PCDH11Y: variants seen among roughly 807,000 people sequenced by gnomAD.
PCDH11Y encodes the protein protocadherin-11 Y-linked.
For synonymous variants in PCDH11Y, 9 were observed against 83.6 expected, an observed-to-expected ratio of 0.11 and a Z score of 4.87; for missense variants, 12 against 224.8, an observed-to-expected ratio of 0.05 and a Z score of 6.05.
At chrY:5,343,505 A>G (rs1602908342) in intron 2 of PCDH11Y, among the ~76,000 whole-genome samples, 116 of 33,187 alleles carry the variant, frequency 3.5e-3, no homozygotes, top group African/African-American at 0.012. Context: ...CGCCCTCCTC[A>G]GCCTCCCAAA....
At chrY:5,424,002 G>A in intron 2 of PCDH11Y, among the ~76,000 whole-genome samples, 2 of 33,432 alleles carry the variant, frequency 6.0e-5, no homozygotes, top group Admixed American at 2.7e-4. Context: ...ACTCAGACCT[G>A]TAACTTCTAC....
intron 1 of PCDH11Y, among the ~76,000 whole-genome samples, chrY:5,072,956 T>G (rs2571874): frequency 2.2e-3 from 75 of 33,615 alleles, no homozygotes; most frequent in African/African-American, 8.0e-3. Context: ...ATATTTTGAT[T>G]CAGTCATACA....
intron 2 of PCDH11Y, among the ~76,000 whole-genome samples, chrY:5,316,448 T>C (rs2053107365): frequency 3.0e-5 from 1 of 32,848 alleles, no homozygotes; most frequent in South Asian, 6.9e-4. Flanking sequence ...TGCCTGGCTC[T>C]TAGTTGATTA....
At chrY:5,625,648 A>G in intron 4 of PCDH11Y, among the ~76,000 whole-genome samples, 3 of 27,764 alleles carry the variant, frequency 1.1e-4, no homozygotes, top group Non-Finnish European at 1.7e-4. Flanking sequence ...ATGTTTAATT[A>G]TATCAAGAGC....
intron 2 of PCDH11Y, among the ~76,000 whole-genome samples, chrY:5,311,850 C>T (rs2053101240): frequency 3.4e-5 from 1 of 29,321 alleles, no homozygotes; most frequent in Non-Finnish European, 8.1e-5. Context: ...GGCACCACCA[C>T]GCCTGGCTAA....
At chrY:5,553,499 C>T in intron 3 of PCDH11Y, among the ~76,000 whole-genome samples, 1 of 31,184 alleles carries the variant, frequency 3.2e-5, no homozygotes, top group Non-Finnish European at 7.7e-5. Context: ...TTCATGAGTG[C>T]CCAATGTTTA....
intron 2 of PCDH11Y, among the ~76,000 whole-genome samples, chrY:5,311,474 GATAT>G (rs752106921): frequency 2.1e-4 from 3 of 14,278 alleles, no homozygotes; most frequent in African/African-American, 8.0e-4. Context: ...AAAGAGAAAA[GATAT>G]ATATATATAT....
At chrY:5,327,530 G>C (rs2053123661) in intron 2 of PCDH11Y, among the ~76,000 whole-genome samples, 1 of 33,271 alleles carries the variant, frequency 3.0e-5, no homozygotes, top group Admixed American at 2.7e-4. Context: ...CTGTGGGATG[G>C]GATATTGCCG....
intron 2 of PCDH11Y, among the ~76,000 whole-genome samples, chrY:5,124,143 AATGTTTTCAGCTACTGTTGAGACAC>A (rs2052822319): frequency 3.0e-5 from 1 of 33,451 alleles, no homozygotes; most frequent in Non-Finnish European, 7.4e-5. Context: ...TTTTTGGAGC[AATGTTTTCAGCTACTGTTGAGACAC>A]ATTTAAGAAG....
chrY:5,306,787 G>T, intron 2 of PCDH11Y, among the ~76,000 whole-genome samples: 1 of 30,265 alleles, frequency 3.3e-5, no homozygotes, highest in Non-Finnish European at 8.0e-5. Context: ...ACTAAATAAA[G>T]GTTTTAGTTT....
intron 2 of PCDH11Y, among the ~76,000 whole-genome samples, chrY:5,158,116 A>C (rs1184184273): frequency 6.3e-5 from 2 of 31,673 alleles, no homozygotes; most frequent in Non-Finnish European, 7.7e-5. Flanking sequence ...GAAATAGTTT[A>C]AATTAGATTT....
At chrY:5,377,820 G>A (rs2053199433) in intron 2 of PCDH11Y, among the ~76,000 whole-genome samples, 1 of 32,724 alleles carries the variant, frequency 3.1e-5, no homozygotes, top group Non-Finnish European at 7.5e-5. Flanking sequence ...GCGTGATCTC[G>A]GCTCAGTGCA....
intron 2 of PCDH11Y, among the ~76,000 whole-genome samples, chrY:5,407,679 C>A (rs2053240239): frequency 3.1e-5 from 1 of 31,946 alleles, no homozygotes; most frequent in Non-Finnish European, 7.6e-5. Context: ...TTTGGGAGGC[C>A]AAGGCGGGCA....
At chrY:5,005,973 A>T in intron 1 of PCDH11Y, among the ~76,000 whole-genome samples, 1 of 31,492 alleles carries the variant, frequency 3.2e-5, no homozygotes, top group African/African-American at 1.2e-4. Flanking sequence ...TTTAGTTCAC[A>T]CAAGACTTTT....
intron 4 of PCDH11Y, among the ~76,000 whole-genome samples, chrY:5,585,853 T>C: frequency 3.9e-5 from 1 of 25,615 alleles, no homozygotes; most frequent in Non-Finnish European, 9.4e-5. Context: ...AGAGCTTCTT[T>C]TTTTTTTTTT....
intron 1 of PCDH11Y, among the ~76,000 whole-genome samples, chrY:5,071,874 A>G: frequency 1.2e-4 from 4 of 33,329 alleles, no homozygotes; most frequent in Admixed American, 5.5e-4. Flanking sequence ...TTTGACTCCC[A>G]GAAGGAAAGT....
At chrY:5,045,279 C>A in intron 3 of PCDH11Y, among the ~76,000 whole-genome samples, 1 of 32,994 alleles carries the variant, frequency 3.0e-5, no homozygotes, top group African/African-American at 1.2e-4. Context: ...TTAGTGCTTC[C>A]TTCAGCAGCT....
intron 2 of PCDH11Y, among the ~76,000 whole-genome samples, chrY:5,123,410 G>C (rs2052821514): frequency 3.1e-5 from 1 of 32,278 alleles, no homozygotes; most frequent in African/African-American, 1.2e-4. Context: ...CTAGGAGACT[G>C]AGTTTCAGAG....
intron 2 of PCDH11Y, among the ~76,000 whole-genome samples, chrY:5,375,839 T>C: frequency 6.0e-5 from 2 of 33,546 alleles, no homozygotes; most frequent in Non-Finnish European, 1.5e-4. Context: ...AATACAACCT[T>C]ATATCACCTA....
Sources: gnomAD v4.1 joint callset for allele counts (sites outside exome capture counted in the v4.1 genomes callset) on GRCh38, gnomAD v4.1.1 for gene constraint, MANE v1.5 for transcripts, NCBI Gene and HGNC (gene_info 2026-07-23, HGNC 2026-07-21) for gene names.